The following MAP3K7 variants were observed in gnomAD, a reference collection of about 807,000 sequenced individuals.
MAP3K7 encodes TGF-beta activated kinase 1.
Under a neutral mutation model 84.8 loss-of-function variants are expected in MAP3K7, and 21 were observed. That is an observed-to-expected ratio of 0.25 (90% CI 0.18 to 0.36). The LOEUF (loss-of-function observed/expected upper bound fraction) is 0.36. Among genes scored for constraint, MAP3K7 ranks in the 10% least tolerant of loss-of-function variants. The pLI is 1.00. For synonymous variants in MAP3K7, 241 were observed against 247.7 expected (o/e 0.97, Z 0.25); for missense variants, 503 against 747.7 (o/e 0.67, Z 3.82).
chr6:90,562,525 GA>G (rs993696962), intron 3 of MAP3K7, among the ~76,000 whole-genome samples: 4 of 152,218 alleles, frequency 2.6e-5, no homozygotes, highest in Non-Finnish European at 4.4e-5. Context: ...GACGCTGGGA[GA>G]GGGGCGTCTA....
At chr6:90,554,950 T>C (rs1219023040) in intron 6 of MAP3K7, among the ~76,000 whole-genome samples, 2 of 152,170 alleles carry the variant, frequency 1.3e-5, no homozygotes, top group African/African-American at 4.8e-5. Context: ...CTGGGGTGGC[T>C]AAAAACAAAC....
intron 7 of MAP3K7, among the ~76,000 whole-genome samples, chr6:90,552,990 G>A (rs1214931663): frequency 1.3e-5 from 2 of 152,168 alleles, no homozygotes; most frequent in Non-Finnish European, 2.9e-5. Context: ...TTCTAAGGGT[G>A]GGTGAGAATA....
At chr6:90,567,265 A>G (rs1305725984) in intron 3 of MAP3K7, among the ~76,000 whole-genome samples, 1 of 152,230 alleles carries the variant, frequency 6.6e-6, no homozygotes, top group Non-Finnish European at 1.5e-5. Flanking sequence ...CTATCATCAG[A>G]GTGAACACGC....
At position 90,516,106 on chromosome 6, in the gene MAP3K7, A is replaced by G. The variant is rs1375696894; in HGVS notation, c.*395T>C. 1.1e-5 allele frequency: 2 copies of G among 182,138 alleles called. No individual in the cohort carries two copies. The highest frequency in any genetic ancestry group is 4.8e-5 in the African/African-American group (2 of 41,862). 11.3% of individuals were successfully genotyped at this position (182,138 alleles called of 1,614,324 possible). On this transcript the variant is annotated 3_prime_UTR_variant, in exon 17 of 17. Coordinates refer to ENST00000369329, the MANE Select transcript of MAP3K7 (RefSeq NM_145331.3). Reference sequence around the variant, plus strand: ...AATTATTAATATTTTGAGATGAGATACAAGAATAAAGTCATTCTTGAGGTT... The same window carrying G: ...AATTATTAATATTTTGAGATGAGATGCAAGAATAAAGTCATTCTTGAGGTT...
intron 5 of MAP3K7, 149 bp downstream of exon 5, chr6:90,559,927 G>T (rs1368385875): frequency 1.1e-5 from 8 of 740,408 alleles, no homozygotes; most frequent in Non-Finnish European, 1.8e-5. Context: ...AATGATGAAG[G>T]TGAGTTAAAA....
intron 13 of MAP3K7, among the ~76,000 whole-genome samples, chr6:90,532,201 C>A (rs185403929): frequency 6.6e-5 from 10 of 152,246 alleles, no homozygotes; most frequent in African/African-American, 2.4e-4. Context: ...AAAGCAAATA[C>A]TTTCCATGAT....
intron 13 of MAP3K7, among the ~76,000 whole-genome samples, chr6:90,530,205 AT>A (rs1295878644): frequency 6.6e-6 from 1 of 152,182 alleles, no homozygotes; most frequent in Non-Finnish European, 1.5e-5. Flanking sequence ...AGTCAGTGTA[AT>A]GCTAATGCAC....
chr6:90,553,637 C>G (rs2127975340), intron 6 of MAP3K7, 51 bp from the exon 7 acceptor site: 1 of 1,517,928 alleles, frequency 6.6e-7, no homozygotes, highest in Middle Eastern at 1.8e-4. Flanking sequence ...TTCCACATGA[C>G]TTACAGAAAC....
chr6:90,560,029 G>C, intron 5 of MAP3K7, 47 bp downstream of exon 5: 1 of 1,611,574 alleles, frequency 6.2e-7, no homozygotes, highest in Non-Finnish European at 8.5e-7. Flanking sequence ...GTGAGAGTGA[G>C]AGAGAAGGAG....
At chr6:90,554,318 T>C (rs1219521682) in intron 6 of MAP3K7, among the ~76,000 whole-genome samples, 6 of 152,204 alleles carry the variant, frequency 3.9e-5, no homozygotes, top group Admixed American at 2.6e-4. Context: ...TTTTCCTCAA[T>C]ATATGGTGAA....
intron 5 of MAP3K7, among the ~76,000 whole-genome samples, chr6:90,559,157 A>G (rs1582213382): frequency 6.6e-6 from 1 of 152,352 alleles, no homozygotes; most frequent in Non-Finnish European, 1.5e-5. Context: ...GGAAACAGAA[A>G]TCAGTTTAAG....
At position 90,583,530 on chromosome 6, in the gene MAP3K7, G is replaced by A. The variant is rs866764380; in HGVS notation, c.120+3234C>T. On this transcript the variant is annotated intron_variant, in intron 1 of 16. Transcript: ENST00000369329. ...GTTGGTCACCAACTGAATTCTATAG[G>A]AGACCATGATCAGTCTTTAAAGAAC... 1.6e-4 allele frequency among the ~76,000 whole-genome samples: 24 copies of A among 152,266 alleles called. No individual in the cohort carries two copies. In the South Asian group the frequency reaches 1.7e-3, roughly 11 times the overall value.
chr6:90,527,948 G>A lies in MAP3K7; in HGVS notation c.1357-4165C>T, dbSNP rs1306044973. Among the ~76,000 whole-genome samples, 2 of 11,950 alleles carry A rather than the reference G, an allele frequency of 1.7e-4. 1 individual carries two copies. The highest frequency in any genetic ancestry group is 1.1e-3 in the African/African-American group (2 of 1,882). The allele number at this position is 11,950 out of a possible 152,430, so 7.8% of individuals were successfully genotyped here. ...GGCTGGAGTGCAGTGGCGCGATCTC[G>A]GCTCACTGCAAGCTCCGCCTCCCGG... On this transcript the variant is annotated intron_variant, in intron 13 of 16. Coordinates refer to ENST00000369329, the MANE Select transcript of MAP3K7 (RefSeq NM_145331.3).
At chr6:90,563,638 A>T (rs1273850555) in intron 3 of MAP3K7, among the ~76,000 whole-genome samples, 1 of 152,208 alleles carries the variant, frequency 6.6e-6, no homozygotes, top group African/African-American at 2.4e-5. Context: ...CAAGTTGGAA[A>T]ACCCTCTTCA....
chr6:90,564,459 A>T (rs1582221959), intron 3 of MAP3K7, among the ~76,000 whole-genome samples: 1 of 152,180 alleles, frequency 6.6e-6, no homozygotes, highest in African/African-American at 2.4e-5. Flanking sequence ...AACAAAGATC[A>T]AAAGAGACAA....
chr6:90,574,615 C>G (rs1306336556), intron 1 of MAP3K7, among the ~76,000 whole-genome samples: 1 of 152,182 alleles, frequency 6.6e-6, no homozygotes, highest in East Asian at 1.9e-4. Flanking sequence ...CTGGTACTTA[C>G]TAGGAATCCC....
chr6:90,569,054 C>G (rs1195338096), intron 2 of MAP3K7, among the ~76,000 whole-genome samples: 1 of 152,146 alleles, frequency 6.6e-6, no homozygotes, highest in Admixed American at 6.5e-5. Flanking sequence ...GTTGAACAGT[C>G]TAGCTACTCT....
chr6:90,552,525 G>C (rs1425835101), intron 7 of MAP3K7, among the ~76,000 whole-genome samples: 2 of 152,132 alleles, frequency 1.3e-5, no homozygotes, highest in Non-Finnish European at 2.9e-5. Context: ...TGATGGTACT[G>C]TTTGATAAAT....
chr6:90,567,287 T>C (rs536254460), intron 3 of MAP3K7, among the ~76,000 whole-genome samples: 3 of 152,048 alleles, frequency 2.0e-5, no homozygotes, highest in African/African-American at 7.2e-5. Flanking sequence ...ACCTACAGAA[T>C]GGGAGAAAAT....
Sources: gnomAD v4.1 joint callset for allele counts (sites outside exome capture counted in the v4.1 genomes callset) on GRCh38, gnomAD v4.1.1 for gene constraint, MANE v1.5 for transcripts, NCBI Gene and HGNC (gene_info 2026-07-23, HGNC 2026-07-21) for gene names.